Variants in LIPK observed in about 807,000 individuals in gnomAD.
LIPK encodes lipase family member K.
A neutral mutation model predicts 48.6 loss-of-function variants in LIPK; 32 were observed. The ratio of observed to expected loss-of-function variants is 0.66; its 90% CI spans 0.50 to 0.88. The LOEUF is 0.88. Ranked by LOEUF, LIPK falls within the 40% of genes least tolerant of loss-of-function variation. LIPK has a pLI of 0.00. For synonymous variants in LIPK, 164 were observed against 157.4 expected (o/e 1.04, Z -0.32); for missense variants, 507 against 478.5 (o/e 1.06, Z -0.56).
chr10:88,731,133 G>A lies in LIPK; in HGVS notation c.374G>A (p.Arg125Lys). The change falls in exon 4 of 10, where the codon AGA (arginine) becomes AAA (lysine). Residue 125 changes from arginine (R) to lysine (K), a missense_variant. Transcript: ENST00000404190. Reference protein sequence around the residue: ...LGNSRGNTWSRKHLKLSPKSP... With the variant: ...LGNSRGNTWSKKHLKLSPKSP... ...AACAGCCGAGGAAACACTTGGTCCA[G>A]AAAACACCTTAAATTGTCACCGAAA... is the stretch of plus-strand genomic sequence containing the variant. The A allele has an allele frequency of 6.2e-7, 1 of 1,600,062 alleles. No individual in the cohort carries two copies. The highest frequency in any genetic ancestry group is 8.5e-7 in the Non-Finnish European group (1 of 1,174,756).
At chr10:88,744,844 G>C (rs1842740083) in intron 9 of LIPK, among the ~76,000 whole-genome samples, 1 of 152,140 alleles carries the variant, frequency 6.6e-6, no homozygotes, top group South Asian at 2.1e-4. Flanking sequence ...TGAAATTCAG[G>C]AGAAAGTTGA....
chr10:88,752,532 TACA>T lies in LIPK; in HGVS notation c.980_982del (p.Asn327del). ...TTGTATTTAGCTTACACCTCCTTTA[TACA>T]ACATTACTAAGATGGAAGTTCCAAC... On this transcript the variant is annotated inframe_deletion, in exon 10 of 10. Transcript: ENST00000404190. The T allele has an allele frequency of 6.4e-7, 1 of 1,551,034 alleles. No individual in the cohort carries two copies. Among genetic ancestry groups the T allele is most frequent in the South Asian group, 1.2e-5 (1 of 84,446 alleles).
intron 3 of LIPK, chr10:88,728,138 C>A (rs993005524): frequency 2.1e-5 from 5 of 238,292 alleles, no homozygotes; most frequent in Non-Finnish European, 2.6e-5. Context: ...ACATGAACAA[C>A]GTAGAATAAG....
intron 1 of LIPK, among the ~76,000 whole-genome samples, chr10:88,717,076 G>T (rs1175770395): frequency 6.6e-6 from 1 of 152,108 alleles, no homozygotes; most frequent in East Asian, 1.9e-4. Context: ...GAAGCGGATG[G>T]GTGACTAGGA....
chr10:88,709,627 CTCTT>C (rs1384079795), intron 1 of LIPK, among the ~76,000 whole-genome samples: 3 of 152,106 alleles, frequency 2.0e-5, no homozygotes, highest in South Asian at 2.1e-4. Flanking sequence ...CAAGTGCATC[CTCTT>C]TCTATTTTTT....
intron 1 of LIPK, among the ~76,000 whole-genome samples, chr10:88,718,838 A>C (rs573757478): frequency 6.6e-6 from 1 of 152,308 alleles, no homozygotes; most frequent in African/African-American, 2.4e-5. Flanking sequence ...TACTCTATAC[A>C]GTGAAAAATG....
intron 9 of LIPK, among the ~76,000 whole-genome samples, chr10:88,751,397 AC>A (rs1461211572): frequency 6.6e-6 from 1 of 151,630 alleles, no homozygotes; most frequent in Non-Finnish European, 1.5e-5. Flanking sequence ...TTTTTCTTTT[AC>A]CTTTAAAAAT....
chr10:88,726,678 AG>A, intron 2 of LIPK, 116 bp from the exon 3 acceptor site: 1 of 650,142 alleles, frequency 1.5e-6, no homozygotes, highest in South Asian at 1.9e-5. Context: ...CAGGGAACAC[AG>A]TGAGACCCGT....
chr10:88,715,724 CT>C (rs1287732495), intron 1 of LIPK, among the ~76,000 whole-genome samples: 1 of 151,736 alleles, frequency 6.6e-6, no homozygotes, highest in Non-Finnish European at 1.5e-5. Context: ...CCTTTTCTTT[CT>C]TTTTTCTTTC....
intron 8 of LIPK, 143 bp downstream of exon 8, chr10:88,740,210 T>A (rs1157581441): frequency 8.6e-6 from 4 of 466,412 alleles, no homozygotes; most frequent in African/African-American, 8.0e-5. Context: ...ACTCTTCATT[T>A]TTATTTACTT....
chr10:88,708,503 C>A (rs1239746921), intron 1 of LIPK, among the ~76,000 whole-genome samples: 2 of 151,820 alleles, frequency 1.3e-5, no homozygotes, highest in African/African-American at 4.8e-5. Context: ...ATTTTTGCTT[C>A]TATAGTCCCA....
chr10:88,746,845 A>G (rs528050462), intron 9 of LIPK, among the ~76,000 whole-genome samples: 3 of 152,298 alleles, frequency 2.0e-5, no homozygotes, highest in African/African-American at 7.2e-5. Context: ...CCTTGACAGA[A>G]TAAATAAAAT....
chr10:88,740,491 G>A (rs1842659335), intron 8 of LIPK, among the ~76,000 whole-genome samples: 2 of 152,214 alleles, frequency 1.3e-5, no homozygotes, highest in Admixed American at 1.3e-4. Flanking sequence ...TGCTAGGGAA[G>A]AATTAAAATG....
At chr10:88,735,181 C>T (rs1422389576) in intron 6 of LIPK, among the ~76,000 whole-genome samples, 1 of 152,176 alleles carries the variant, frequency 6.6e-6, no homozygotes, top group Non-Finnish European at 1.5e-5. Context: ...CCTCAATTTT[C>T]ACATTGATAG....
chr10:88,751,611 C>A (rs780286661), intron 9 of LIPK, among the ~76,000 whole-genome samples: 2 of 152,128 alleles, frequency 1.3e-5, no homozygotes, highest in Non-Finnish European at 2.9e-5. Flanking sequence ...TCAACTCTAA[C>A]TGTTGTGAAA....
intron 9 of LIPK, among the ~76,000 whole-genome samples, chr10:88,747,900 T>C (rs1842793008): frequency 6.6e-6 from 1 of 152,168 alleles, no homozygotes; most frequent in African/African-American, 2.4e-5. Flanking sequence ...AGCAATCCCA[T>C]TACTGGGTAT....
At chr10:88,720,500 C>T (rs576428541) in intron 1 of LIPK, among the ~76,000 whole-genome samples, 78 of 152,226 alleles carry the variant, frequency 5.1e-4, no homozygotes, top group African/African-American at 1.8e-3. Flanking sequence ...CAAACCTGCA[C>T]ATCTACCCCT....
intron 3 of LIPK, chr10:88,728,826 G>T (rs890823931): frequency 1.2e-5 from 2 of 173,166 alleles, no homozygotes; most frequent in Non-Finnish European, 2.5e-5. Flanking sequence ...TCTTTCAGCC[G>T]CACCAGCTCC....
At position 88,732,684 on chromosome 10, in the gene LIPK, A is replaced by G. The variant is rs73352660; in HGVS notation, c.669+133A>G. 1.2e-4 allele frequency: 106 copies of G among 912,824 alleles called. No homozygotes were observed. The African/African-American group carries it at 1.6e-3, about 14-fold the overall frequency. 56.5% of individuals were successfully genotyped at this position (912,824 alleles called of 1,614,324 possible). On this transcript the variant is annotated intron_variant, in intron 6 of 9. Transcript: ENST00000404190. ...GTATTCAAGATATCCATGTAAGTTCACTGATGATGTATGCAATCTTATTAG... is the reference window on the plus strand; with the variant it reads ...GTATTCAAGATATCCATGTAAGTTCGCTGATGATGTATGCAATCTTATTAG...
Sources: allele counts gnomAD v4.1 joint callset (sites outside exome capture counted in the v4.1 genomes callset), GRCh38; gene constraint gnomAD v4.1.1; transcripts MANE v1.5; gene names NCBI Gene and HGNC (gene_info 2026-07-23, HGNC 2026-07-21).